Variants in MTUS2 observed in about 807,000 individuals in gnomAD.
MTUS2 encodes microtubule associated scaffold protein 2.
Under a neutral mutation model 114.1 loss-of-function variants are expected in MTUS2, and 40 were observed. The ratio of observed to expected loss-of-function variants is 0.35; its 90% CI spans 0.27 to 0.46. MTUS2 has a LOEUF of 0.46. Ranked by LOEUF, MTUS2 falls within the 20% of genes least tolerant of loss-of-function variation. The pLI, the probability that MTUS2 is intolerant of heterozygous loss-of-function variation, is 1.00. For synonymous variants in MTUS2, 688 were observed against 672.0 expected, an observed-to-expected ratio of 1.02 and a Z score of -0.37; for missense variants, 1,679 against 1,705.4, an observed-to-expected ratio of 0.98 and a Z score of 0.27.
At chr13:29,446,332 C>G (rs758939969) in intron 9 of MTUS2, among the ~76,000 whole-genome samples, 95 of 152,210 alleles carry the variant, frequency 6.2e-4, no homozygotes, top group Admixed American at 2.0e-4. Context: ...ACCAGAGTGA[C>G]AGTACCCTAT....
chr13:28,934,476 G>A (rs1292604234), intron 2 of MTUS2, among the ~76,000 whole-genome samples: 4 of 151,800 alleles, frequency 2.6e-5, no homozygotes, highest in Non-Finnish European at 2.9e-5. Flanking sequence ...TTTTTACCTC[G>A]GAGAAGTTCT....
intron 2 of MTUS2, among the ~76,000 whole-genome samples, chr13:29,004,295 A>G (rs1205635133): frequency 6.6e-6 from 1 of 152,242 alleles, no homozygotes; most frequent in Non-Finnish European, 1.5e-5. Context: ...TGGTTTGTAT[A>G]TATTCTCATT....
chr13:29,232,621 G>A (rs1477450532), intron 5 of MTUS2, among the ~76,000 whole-genome samples: 1 of 152,128 alleles, frequency 6.6e-6, no homozygotes, highest in Non-Finnish European at 1.5e-5. Context: ...TTGCTTAAGT[G>A]GCTTATTTTT....
At chr13:29,008,734 A>G (rs1251012288) in intron 2 of MTUS2, among the ~76,000 whole-genome samples, 3 of 152,058 alleles carry the variant, frequency 2.0e-5, no homozygotes, top group African/African-American at 7.2e-5. Flanking sequence ...TATGTGATTT[A>G]TTTTAAGTCT....
chr13:29,310,651 C>G (rs1899713009), intron 6 of MTUS2, among the ~76,000 whole-genome samples: 1 of 152,078 alleles, frequency 6.6e-6, no homozygotes, highest in Non-Finnish European at 1.5e-5. Context: ...TAGTGCTGAC[C>G]ATCATCAGTA....
intron 2 of MTUS2, among the ~76,000 whole-genome samples, chr13:28,939,774 T>TC (rs1882122032): frequency 6.6e-6 from 1 of 151,976 alleles, no homozygotes; most frequent in Non-Finnish European, 1.5e-5. Flanking sequence ...AGTGTCTTAG[T>TC]CCGTTTTCAT....
At chr13:28,932,629 A>G (rs1483940076) in intron 2 of MTUS2, among the ~76,000 whole-genome samples, 1 of 152,144 alleles carries the variant, frequency 6.6e-6, no homozygotes, top group Non-Finnish European at 1.5e-5. Context: ...ACCTGAACCC[A>G]CCTCAACCTG....
At chr13:29,029,880 A>G (rs1886736297) in intron 3 of MTUS2, among the ~76,000 whole-genome samples, 1 of 152,212 alleles carries the variant, frequency 6.6e-6, no homozygotes, top group Non-Finnish European at 1.5e-5. Flanking sequence ...TTCATGAGGC[A>G]TCTGCCCCCA....
chr13:29,133,337 T>G (rs559495524), intron 5 of MTUS2, among the ~76,000 whole-genome samples: 51 of 152,296 alleles, frequency 3.3e-4, no homozygotes, highest in African/African-American at 1.1e-3. Context: ...TGGTAATGGT[T>G]TTTGATATAC....
chr13:29,423,199 C>T (rs1876249568), intron 8 of MTUS2, among the ~76,000 whole-genome samples: 1 of 152,236 alleles, frequency 6.6e-6, no homozygotes, highest in Non-Finnish European at 1.5e-5. Flanking sequence ...GCTTCCTTCT[C>T]AGCCTAGCCC....
rs1479707875 is a variant in MTUS2 at position 29,024,467 on chromosome 13, C to CTAA, written c.-231_-230insAAT. ...TTTATTTCTCTCTAGGTCTCATGGA[C>CTAA]TGATTGGCTCTCATTCAGCAGGAAC... On this transcript the variant is annotated 5_prime_UTR_variant, in exon 3 of 16. In the 5' UTR this introduces an upstream ATG that the reference lacks. Coordinates refer to ENST00000612955, the MANE Select transcript of MTUS2 (RefSeq NM_001033602.4). 1.9e-6 allele frequency: 1 copy of CTAA among 538,350 alleles called. No individual in the cohort carries two copies. Among genetic ancestry groups the CTAA allele is most frequent in the African/African-American group, 1.9e-5 (1 of 52,506 alleles). 33.3% of individuals were successfully genotyped at this position (538,350 alleles called of 1,614,324 possible). A position where few individuals can be genotyped will look rare whatever the true frequency, so the allele number is the denominator to read the frequency against.
intron 5 of MTUS2, among the ~76,000 whole-genome samples, chr13:29,211,697 T>A (rs1409613962): frequency 1.3e-5 from 2 of 152,056 alleles, no homozygotes; most frequent in African/African-American, 4.8e-5. Context: ...TAAGGTCAAA[T>A]CCTTCTCCCG....
chr13:29,358,717 T>G (rs931327580), intron 7 of MTUS2, among the ~76,000 whole-genome samples: 2 of 152,090 alleles, frequency 1.3e-5, no homozygotes, highest in African/African-American at 2.4e-5. Context: ...TCACAATACA[T>G]TGGTGCTATA....
At chr13:28,881,161 G>A (rs752934188) in intron 2 of MTUS2, among the ~76,000 whole-genome samples, 1 of 152,040 alleles carries the variant, frequency 6.6e-6, no homozygotes, top group African/African-American at 2.4e-5. Context: ...AGTGTCTATC[G>A]TTGCCATTGT....
chr13:29,018,483 A>G (rs1297716568), intron 2 of MTUS2, among the ~76,000 whole-genome samples: 2 of 152,214 alleles, frequency 1.3e-5, no homozygotes, highest in African/African-American at 4.8e-5. Context: ...TTAGAAATGT[A>G]TGTGCATTTG....
chr13:28,878,847 A>G (rs1012076412), intron 2 of MTUS2, among the ~76,000 whole-genome samples: 1 of 152,242 alleles, frequency 6.6e-6, no homozygotes, highest in Non-Finnish European at 1.5e-5. Context: ...GTATATACAC[A>G]GTAATGAGAT....
In MTUS2 at chr13:29,440,027, T is replaced by G; in HGVS notation, c.3162T>G (p.Leu1054=). The G allele has an allele frequency of 6.3e-7, 1 of 1,588,860 alleles. No individual in the cohort carries two copies. The highest frequency in any genetic ancestry group is 1.7e-4 in the Middle Eastern group (1 of 6,028). Residue 1054 remains leucine (L), a synonymous_variant, in exon 9 of 16, where the codon CTT becomes CTG. Coordinates refer to ENST00000612955, the MANE Select transcript of MTUS2 (RefSeq NM_001033602.4). ...AAGAAAAAGAGCTGTCAATCGAACT[T>G]GCAAACATCAGGGATGAAGTTGGTA... ...LVKEKELSIE[L]ANIRDEVAFH...
intron 1 of MTUS2, among the ~76,000 whole-genome samples, chr13:28,831,691 T>A (rs79625188): frequency 0.093 from 14,171 of 152,196 alleles, 792 homozygotes; most frequent in South Asian, 0.2. Context: ...CAATAGTATT[T>A]GGAGATTTCA....
At chr13:28,990,790 C>T (rs530473157) in intron 2 of MTUS2, among the ~76,000 whole-genome samples, 40 of 152,214 alleles carry the variant, frequency 2.6e-4, no homozygotes, top group Admixed American at 5.9e-4. Context: ...TTTGTTCTTT[C>T]GCTCTTCAAA....
Sources: allele counts gnomAD v4.1 joint callset (sites outside exome capture counted in the v4.1 genomes callset), GRCh38; gene constraint gnomAD v4.1.1; transcripts MANE v1.5; gene names NCBI Gene and HGNC (gene_info 2026-07-23, HGNC 2026-07-21).